Variants in MAGI1 observed in about 807,000 individuals in gnomAD.
MAGI1 encodes the protein membrane associated guanylate kinase, WW and PDZ domain containing 1.
Under a neutral mutation model 139.9 loss-of-function variants are expected in MAGI1, and 58 were observed. The ratio of observed to expected loss-of-function variants is 0.41; its 90% CI spans 0.34 to 0.52. The LOEUF is 0.52. Ranked by LOEUF, MAGI1 falls within the 20% of genes least tolerant of loss-of-function variation. The pLI, the probability that MAGI1 is intolerant of heterozygous loss-of-function variation, is 0.12. For synonymous variants in MAGI1, 812 were observed against 737.9 expected (o/e 1.10, Z -1.63); for missense variants, 1,874 against 1,901.6 (o/e 0.99, Z 0.27).
intron 1 of MAGI1, among the ~76,000 whole-genome samples, chr3:65,715,958 G>C (rs942740016): frequency 2.0e-5 from 3 of 152,218 alleles, no homozygotes; most frequent in Non-Finnish European, 4.4e-5. Flanking sequence ...GGTGTTGGAA[G>C]TGGTTTGTTG....
intron 12 of MAGI1, among the ~76,000 whole-genome samples, chr3:65,411,264 T>A (rs1360444326): frequency 1.3e-5 from 2 of 152,228 alleles, no homozygotes; most frequent in Admixed American, 6.5e-5. Context: ...CTTCTACCTC[T>A]AAGGAAGACT....
chr3:66,035,754 A>G (rs1429668503), intron 1 of MAGI1, among the ~76,000 whole-genome samples: 1 of 152,168 alleles, frequency 6.6e-6, no homozygotes, highest in Non-Finnish European at 1.5e-5. Context: ...GCTGTGAACA[A>G]TCTGTGCACA....
At chr3:65,416,274 A>C (rs936301078) in intron 12 of MAGI1, among the ~76,000 whole-genome samples, 2 of 152,222 alleles carry the variant, frequency 1.3e-5, no homozygotes, top group African/African-American at 4.8e-5. Context: ...TCAACAGCCA[A>C]TGCTAGGGAA....
At chr3:66,027,948 G>A (rs1367790804) in intron 1 of MAGI1, among the ~76,000 whole-genome samples, 2 of 152,116 alleles carry the variant, frequency 1.3e-5, no homozygotes, top group Non-Finnish European at 2.9e-5. Context: ...GAACAAACTT[G>A]CCCCCAGCTG....
At chr3:65,930,258 G>C (rs2062738410) in intron 1 of MAGI1, among the ~76,000 whole-genome samples, 1 of 140,950 alleles carries the variant, frequency 7.1e-6, no homozygotes, top group East Asian at 2.1e-4. Context: ...GGAGCTTGCA[G>C]TGAGCCGAGA....
At chr3:65,593,556 C>A (rs1197745948) in intron 2 of MAGI1, among the ~76,000 whole-genome samples, 1 of 152,138 alleles carries the variant, frequency 6.6e-6, no homozygotes, top group Non-Finnish European at 1.5e-5. Context: ...TCATTAAATA[C>A]AAACAAACTT....
At chr3:65,360,946 A>G (rs1940793694) in intron 22 of MAGI1, 15 of 1,414,710 alleles carry the variant, frequency 1.1e-5, no homozygotes, top group Non-Finnish European at 1.4e-5. Flanking sequence ...ACTAGACAAA[A>G]CGTTCTCTCT....
At chr3:65,379,956 A>C (rs1942905714) in intron 16 of MAGI1, among the ~76,000 whole-genome samples, 1 of 152,214 alleles carries the variant, frequency 6.6e-6, no homozygotes, top group South Asian at 2.1e-4. Flanking sequence ...TCATAGATAC[A>C]ACCTTGGATG....
chr3:65,767,584 A>G (rs904378986), intron 1 of MAGI1, among the ~76,000 whole-genome samples: 3 of 152,320 alleles, frequency 2.0e-5, no homozygotes, highest in East Asian at 3.9e-4. Context: ...TTCCCTCAAG[A>G]AAGAACTTCC....
At chr3:65,398,292 G>A (rs1269827885) in intron 13 of MAGI1, among the ~76,000 whole-genome samples, 1 of 152,104 alleles carries the variant, frequency 6.6e-6, no homozygotes, top group Non-Finnish European at 1.5e-5. Context: ...GATAGGAGGA[G>A]CACTTGAGAC....
chr3:65,662,698 C>G (rs1182560642), intron 1 of MAGI1, among the ~76,000 whole-genome samples: 1 of 152,124 alleles, frequency 6.6e-6, no homozygotes, highest in Non-Finnish European at 1.5e-5. Flanking sequence ...ACATAGTCAC[C>G]TCTTTTTTTG....
intron 1 of MAGI1, among the ~76,000 whole-genome samples, chr3:65,663,830 G>A (rs769646698): frequency 3.9e-5 from 6 of 152,114 alleles, no homozygotes; most frequent in South Asian, 2.1e-4. Context: ...GTACCTCCCC[G>A]AGTTGTGATG....
intron 16 of MAGI1, 134 bp downstream of exon 16, chr3:65,381,743 C>T (rs1447574957): frequency 1.2e-6 from 1 of 809,766 alleles, no homozygotes; most frequent in Non-Finnish European, 1.9e-6. Flanking sequence ...AGCAAGCCAT[C>T]TGGAAATTCT....
chr3:65,387,274 C>A, intron 14 of MAGI1: 1 of 1,380,922 alleles, frequency 7.2e-7, no homozygotes, highest in Non-Finnish European at 1.0e-6. Flanking sequence ...TACATTCTTT[C>A]TCTTAGTTCA....
At chr3:65,709,892 T>G (rs770151735) in intron 1 of MAGI1, among the ~76,000 whole-genome samples, 1 of 152,254 alleles carries the variant, frequency 6.6e-6, no homozygotes, top group African/African-American at 2.4e-5. Flanking sequence ...CAAATCATGA[T>G]TGATACTCTC....
At chr3:65,563,204 T>A (rs1396623258) in intron 2 of MAGI1, among the ~76,000 whole-genome samples, 1 of 152,204 alleles carries the variant, frequency 6.6e-6, no homozygotes, top group Non-Finnish European at 1.5e-5. Context: ...TTACATTTCA[T>A]TGGTTTATAT....
intron 2 of MAGI1, among the ~76,000 whole-genome samples, chr3:65,563,676 G>T (rs1184920450): frequency 6.6e-6 from 1 of 152,144 alleles, no homozygotes; most frequent in Non-Finnish European, 1.5e-5. Flanking sequence ...TTTGAACCCA[G>T]ACTTAGCCAC....
chr3:65,992,212 C>A (rs750794651), intron 1 of MAGI1, among the ~76,000 whole-genome samples: 1 of 152,096 alleles, frequency 6.6e-6, no homozygotes, highest in Non-Finnish European at 1.5e-5. Flanking sequence ...GTACCTCATA[C>A]ACTAACTGGC....
chr3:65,889,776 TG>T (rs2060669725), intron 1 of MAGI1, among the ~76,000 whole-genome samples: 1 of 152,096 alleles, frequency 6.6e-6, no homozygotes, highest in South Asian at 2.1e-4. Flanking sequence ...TATGGGGGCA[TG>T]GGGGGTTGTC....
Sources: allele counts gnomAD v4.1 joint callset (sites outside exome capture counted in the v4.1 genomes callset), GRCh38; gene constraint gnomAD v4.1.1; transcripts MANE v1.5; gene names NCBI Gene and HGNC (gene_info 2026-07-23, HGNC 2026-07-21).